The following MPPED1 variants were observed in gnomAD, a reference collection of about 807,000 sequenced individuals.
The protein encoded by MPPED1 is metallophosphoesterase domain containing 1.
MPPED1 carries 16 observed loss-of-function variants against 36.2 expected under a neutral mutation model. That is an observed-to-expected ratio of 0.44 (90% CI 0.30 to 0.67). The LOEUF (loss-of-function observed/expected upper bound fraction) is 0.67. Ranked by LOEUF, MPPED1 falls within the 30% of genes least tolerant of loss-of-function variation. The probability of loss-of-function intolerance (pLI) is 0.10; values close to 1 mark genes in which losing one functional copy is unlikely to be tolerated. For synonymous variants in MPPED1, 199 were observed against 191.3 expected (o/e 1.04, Z -0.33); for missense variants, 307 against 453.4 (o/e 0.68, Z 2.93).
At chr22:43,424,303 A>G (rs930351026) in intron 1 of MPPED1, among the ~76,000 whole-genome samples, 1 of 152,094 alleles carries the variant, frequency 6.6e-6, no homozygotes, top group African/African-American at 2.4e-5. Flanking sequence ...TGGGTATGTG[A>G]CCATCTATGT....
intron 4 of MPPED1, among the ~76,000 whole-genome samples, chr22:43,488,261 C>T (rs1472614219): frequency 6.6e-6 from 1 of 152,158 alleles, no homozygotes; most frequent in Non-Finnish European, 1.5e-5. Context: ...CCCCAAGGCC[C>T]CAGCACTCCA....
At chr22:43,499,098 T>G (rs1195309930) in intron 5 of MPPED1, among the ~76,000 whole-genome samples, 1 of 149,148 alleles carries the variant, frequency 6.7e-6, no homozygotes, top group Admixed American at 6.7e-5. Flanking sequence ...GTGGTGGTGG[T>G]GGAGGTGGTG....
At chr22:43,463,871 CT>C (rs1213952431) in intron 3 of MPPED1, among the ~76,000 whole-genome samples, 7 of 96,388 alleles carry the variant, frequency 7.3e-5, no homozygotes, top group African/African-American at 2.7e-4. Flanking sequence ...TTCTTTCTTT[CT>C]TTCTCTTTCT....
At chr22:43,424,799 T>G (rs2146819084) in intron 1 of MPPED1, 109 bp from the exon 2 acceptor site, 2 of 1,393,912 alleles carry the variant, frequency 1.4e-6, no homozygotes, top group Non-Finnish European at 1.9e-6. Flanking sequence ...GACTGTGTTT[T>G]TTTTTCCTCT....
chr22:43,478,800 G>A (rs981825403), intron 4 of MPPED1, among the ~76,000 whole-genome samples: 1 of 152,160 alleles, frequency 6.6e-6, no homozygotes, highest in Non-Finnish European at 1.5e-5. Flanking sequence ...ACTTTGCGGG[G>A]CGGCCTTCTC....
intron 2 of MPPED1, among the ~76,000 whole-genome samples, chr22:43,432,920 GGAGAGAGAGAGGGAA>G (rs1929811373): frequency 1.1e-4 from 7 of 62,702 alleles, no homozygotes; most frequent in Non-Finnish European, 2.1e-4. Context: ...GAGAAAGGGA[GGAGAGAGAGAGGGAA>G]AGAGAGAGAA....
chr22:43,426,371 GGGA>G (rs1315161575), intron 2 of MPPED1, among the ~76,000 whole-genome samples: 1 of 152,166 alleles, frequency 6.6e-6, no homozygotes, highest in Non-Finnish European at 1.5e-5. Context: ...CTGCAGAGCA[GGGA>G]GGTGACAGCA....
At chr22:43,450,598 C>A (rs5996339) in intron 3 of MPPED1, among the ~76,000 whole-genome samples, 4 of 152,300 alleles carry the variant, frequency 2.6e-5, no homozygotes, top group African/African-American at 9.6e-5. Context: ...GTGATCTGGG[C>A]TCATCATAGG....
At chr22:43,449,422 A>ACCCCCCCCCCCCCCCCCCCCCC (rs135045) in intron 3 of MPPED1, among the ~76,000 whole-genome samples, 3 of 127,328 alleles carry the variant, frequency 2.4e-5, no homozygotes, top group Admixed American at 8.3e-5. Flanking sequence ...GACAGTGCCA[A>ACCCCCCCCCCCCCCCCCCCCCC]CCCCCCCCGC....
chr22:43,442,592 G>T (rs114422355), intron 3 of MPPED1, among the ~76,000 whole-genome samples: 1 of 152,180 alleles, frequency 6.6e-6, no homozygotes, highest in Non-Finnish European at 1.5e-5. Flanking sequence ...GTCTTCCTGG[G>T]AATGGGGTGC....
chr22:43,503,907 C>T (rs1932770169), intron 6 of MPPED1, among the ~76,000 whole-genome samples: 1 of 152,174 alleles, frequency 6.6e-6, no homozygotes, highest in Non-Finnish European at 1.5e-5. Flanking sequence ...CCTCCCCCAG[C>T]ACCACGCAGG....
intron 1 of MPPED1, among the ~76,000 whole-genome samples, chr22:43,422,281 C>T (rs988098796): frequency 3.3e-5 from 5 of 152,228 alleles, no homozygotes; most frequent in African/African-American, 1.2e-4. Context: ...ATTTGTCAAA[C>T]ATGAGACATG....
At chr22:43,500,626 G>A (rs970717824) in intron 5 of MPPED1, among the ~76,000 whole-genome samples, 1 of 151,878 alleles carries the variant, frequency 6.6e-6, no homozygotes, top group African/African-American at 2.4e-5. Context: ...GCCCATATCA[G>A]TGTCTTGCTC....
chr22:43,479,153 A>G (rs999397997), intron 4 of MPPED1, among the ~76,000 whole-genome samples: 1 of 152,120 alleles, frequency 6.6e-6, no homozygotes, highest in African/African-American at 2.4e-5. Flanking sequence ...ACCCGGGCAT[A>G]TGGCAGCTCA....
At chr22:43,488,454 C>A (rs987168807) in intron 4 of MPPED1, among the ~76,000 whole-genome samples, 2 of 152,176 alleles carry the variant, frequency 1.3e-5, no homozygotes, top group Non-Finnish European at 2.9e-5. Context: ...GGCTGAGGAA[C>A]CTGGAATTCA....
At chr22:43,415,781 C>T (rs940911799) in intron 1 of MPPED1, among the ~76,000 whole-genome samples, 2 of 152,200 alleles carry the variant, frequency 1.3e-5, no homozygotes, top group African/African-American at 2.4e-5. Flanking sequence ...CAATCTACAC[C>T]TGAAAGTTTG....
chr22:43,505,108 G>A (rs1038755562), intron 6 of MPPED1, among the ~76,000 whole-genome samples: 1 of 151,356 alleles, frequency 6.6e-6, no homozygotes, highest in Admixed American at 6.6e-5. Flanking sequence ...TGGTAGTAGT[G>A]GTGAAAAATA....
At chr22:43,479,466 A>G (rs1387205014) in intron 4 of MPPED1, among the ~76,000 whole-genome samples, 1 of 152,198 alleles carries the variant, frequency 6.6e-6, no homozygotes, top group East Asian at 1.9e-4. Flanking sequence ...GGACAGAGGG[A>G]AGTGACAGGA....
At chr22:43,426,889 A>G (rs1038133827) in intron 2 of MPPED1, among the ~76,000 whole-genome samples, 1 of 152,180 alleles carries the variant, frequency 6.6e-6, no homozygotes, top group Admixed American at 6.5e-5. Flanking sequence ...GGGTTTGGGC[A>G]GGAAGGAAGG....
Sources: gnomAD v4.1 joint callset for allele counts (sites outside exome capture counted in the v4.1 genomes callset) on GRCh38, gnomAD v4.1.1 for gene constraint, MANE v1.5 for transcripts, NCBI Gene and HGNC (gene_info 2026-07-23, HGNC 2026-07-21) for gene names.